Variants in NAV2 observed in about 807,000 individuals in gnomAD.
NAV2 encodes the protein helicase, APC down-regulated 1.
NAV2 carries 54 observed loss-of-function variants against 223.2 expected under a neutral mutation model. The observed-to-expected ratio is 0.24, with a 90% CI of 0.19 to 0.30. The LOEUF (loss-of-function observed/expected upper bound fraction) is 0.30, where lower values mean the gene tolerates loss of function less well. Among genes scored for constraint, NAV2 ranks in the 10% least tolerant of loss-of-function variants. The pLI is 1.00. For missense variants in NAV2, 2,806 were observed against 3,147.5 expected (o/e 0.89, Z 2.60); for synonymous variants, 1,279 against 1,239.3 (o/e 1.03, Z -0.67).
chr11:19,352,361 A>G (rs530949796), intron 1 of NAV2, among the ~76,000 whole-genome samples: 61 of 152,350 alleles, frequency 4.0e-4, no homozygotes, highest in African/African-American at 1.4e-3. Flanking sequence ...GTGGAGGAAC[A>G]TTTGGGACCT....
At chr11:19,776,328 G>T (rs1476835881) in intron 1 of NAV2, among the ~76,000 whole-genome samples, 2 of 152,210 alleles carry the variant, frequency 1.3e-5, no homozygotes, top group Non-Finnish European at 2.9e-5. Context: ...TGGGCAGGAA[G>T]GTGGGGAGGT....
At chr11:19,489,783 C>A (rs972483458) in intron 1 of NAV2, among the ~76,000 whole-genome samples, 4 of 152,170 alleles carry the variant, frequency 2.6e-5, no homozygotes, top group Admixed American at 6.5e-5. Context: ...AGATGCTTCT[C>A]CCCCAAACTG....
intron 1 of NAV2, among the ~76,000 whole-genome samples, chr11:19,362,936 G>A (rs1195151070): frequency 6.6e-6 from 1 of 152,136 alleles, no homozygotes; most frequent in African/African-American, 2.4e-5. Context: ...AACACGTTTT[G>A]TATATCAGAC....
chr11:20,088,627 G>A (rs71488731), intron 26 of NAV2, among the ~76,000 whole-genome samples: 3,180 of 152,278 alleles, frequency 0.021, 53 homozygotes, highest in Non-Finnish European at 0.032. Context: ...GTTTGGTACC[G>A]TTTGTAAAGT....
chr11:19,841,675 C>G (rs1467522009), intron 2 of NAV2, among the ~76,000 whole-genome samples: 8 of 152,128 alleles, frequency 5.3e-5, no homozygotes, highest in African/African-American at 1.9e-4. Flanking sequence ...TCTTTCCCTT[C>G]TGTGAGTGAG....
chr11:20,022,756 C>G lies in NAV2; in HGVS notation c.2769-13203C>G, dbSNP rs376641118. The G allele has an allele frequency of 1.8e-5, 20 of 1,113,182 alleles. No individual in the cohort carries two copies. The African/African-American group carries it at 2.9e-4, about 16-fold the overall frequency. The allele number at this position is 1,113,182 out of a possible 1,614,324, so 69.0% of individuals were successfully genotyped here. On this transcript the variant is annotated intron_variant, in intron 11 of 37. Transcript: ENST00000349880. ...ATTTGACCCGCTGTTGCAAACTCCC[C>G]TGGGACCACATGGAGGGCCCTTCCA...
At chr11:19,475,999 G>A (rs2042102261) in intron 1 of NAV2, among the ~76,000 whole-genome samples, 1 of 152,058 alleles carries the variant, frequency 6.6e-6, no homozygotes. Flanking sequence ...TTTTGAGACA[G>A]AGTCTTACTC....
upstream of NAV2, chr11:19,711,256 T>C (rs147568584): frequency 1.9e-4 from 29 of 152,220 alleles, no homozygotes; most frequent in African/African-American, 6.8e-4. Context: ...CTTTGTCACT[T>C]TGGGCCACTA....
Position 19,566,062 on chromosome 11 carries a change from A to ATTTTATTTTATTTTATTTTATTTTATT in NAV2, c.75+215054_75+215055insATTTTATTTTTTATTTTATTTTATTTT, listed in dbSNP as rs2045260189. 2.3e-5 allele frequency among the ~76,000 whole-genome samples: 3 copies of ATTTTATTTTATTTTATTTTATTTTATT among 131,918 alleles called. No individual in the cohort carries two copies. In the South Asian group the frequency reaches 6.6e-4, roughly 29 times the overall value. 86.5% of individuals were successfully genotyped at this position (131,918 alleles called of 152,430 possible). A position where few individuals can be genotyped will look rare whatever the true frequency, so the allele number is the denominator to read the frequency against. ...ATTTTATTTTATTTTATTTTATTTT[A>ATTTTATTTTATTTTATTTTATTTTATT]TTTTATTTTATTTTATTTTTTTGTG... On this transcript the variant is annotated intron_variant, in intron 1 of 37. Transcript: ENST00000360655.
intron 1 of NAV2, among the ~76,000 whole-genome samples, chr11:19,597,259 G>A (rs982160534): frequency 4.6e-5 from 7 of 152,228 alleles, no homozygotes; most frequent in African/African-American, 1.7e-4. Context: ...CATAAGAAGT[G>A]CTCAATAAAT....
chr11:20,048,673 C>A, intron 14 of NAV2, 55 bp from the exon 15 acceptor site: 3 of 1,465,978 alleles, frequency 2.0e-6, no homozygotes, highest in Non-Finnish European at 2.8e-6. Flanking sequence ...CTTTAACAGT[C>A]CGGTGCCCCT....
chr11:20,067,919 G>A (rs544259844), intron 20 of NAV2, among the ~76,000 whole-genome samples: 14 of 151,972 alleles, frequency 9.2e-5, no homozygotes, highest in South Asian at 6.3e-4. Context: ...CACCATCCCC[G>A]CCTGGGGAGC....
intron 1 of NAV2, among the ~76,000 whole-genome samples, chr11:19,458,275 C>T (rs1050543153): frequency 5.4e-4 from 82 of 152,212 alleles, no homozygotes; most frequent in African/African-American, 1.7e-3. Flanking sequence ...AGTGCTTGTG[C>T]TGGGTGACCA....
chr11:19,362,760 A>C (rs1854030189), intron 1 of NAV2, among the ~76,000 whole-genome samples: 1 of 151,592 alleles, frequency 6.6e-6, no homozygotes, highest in African/African-American at 2.4e-5. Context: ...TCTATAACAT[A>C]GGGTAATAAT....
chr11:19,417,571 C>T (rs10741772), intron 1 of NAV2, among the ~76,000 whole-genome samples: 139,413 of 152,316 alleles, frequency 0.92, 63,855 homozygotes, highest in Middle Eastern at 0.94. Flanking sequence ...GAAATACCAT[C>T]TGATCCAACA....
chr11:19,498,513 G>A (rs1255499941), intron 1 of NAV2, among the ~76,000 whole-genome samples: 1 of 152,184 alleles, frequency 6.6e-6, no homozygotes, highest in African/African-American at 2.4e-5. Flanking sequence ...CATACAGAAG[G>A]TATTCAAGAA....
intron 2 of NAV2, among the ~76,000 whole-genome samples, chr11:19,842,050 A>G (rs2060541717): frequency 6.6e-6 from 1 of 152,176 alleles, no homozygotes; most frequent in Admixed American, 6.5e-5. Context: ...CTTTGCCTCC[A>G]AAGTCAGTGT....
chr11:20,077,488 A>T, intron 22 of NAV2, 64 bp from the exon 23 acceptor site: 1 of 1,297,182 alleles, frequency 7.7e-7, no homozygotes, highest in African/African-American at 1.5e-5. Flanking sequence ...TTTAAGAGCC[A>T]GACACCTTCT....
intron 4 of NAV2, among the ~76,000 whole-genome samples, chr11:19,870,204 C>A (rs566307537): frequency 6.6e-6 from 1 of 152,114 alleles, no homozygotes; most frequent in Admixed American, 6.5e-5. Flanking sequence ...GGACCCTCAT[C>A]CATGGGGATA....
Sources: allele counts gnomAD v4.1 joint callset (sites outside exome capture counted in the v4.1 genomes callset), GRCh38; gene constraint gnomAD v4.1.1; transcripts MANE v1.5; gene names NCBI Gene and HGNC (gene_info 2026-07-23, HGNC 2026-07-21).